The following HDAC9 variants were observed in gnomAD, a reference collection of about 807,000 sequenced individuals.
HDAC9 encodes MEF-2 interacting transcription repressor (MITR) protein.
A neutral mutation model predicts 139.4 loss-of-function variants in HDAC9; 41 were observed. The ratio of observed to expected loss-of-function variants is 0.29; its 90% confidence interval spans 0.23 to 0.38. The LOEUF is 0.38. HDAC9 is among the 10% of genes least tolerant of loss of function. HDAC9 has a pLI of 1.00. For missense variants in HDAC9, 1,147 were observed against 1,297.0 expected (o/e 0.88, Z 1.78); for synonymous variants, 517 against 476.2 (o/e 1.09, Z -1.12).
chr7:18,474,551 G>T (rs556969606), intron 1 of HDAC9, among the ~76,000 whole-genome samples: 1 of 152,162 alleles, frequency 6.6e-6, no homozygotes, highest in South Asian at 2.1e-4. Context: ...TCCTTTGGGG[G>T]AGTAAGGCAG....
intron 22 of HDAC9, among the ~76,000 whole-genome samples, chr7:18,915,006 G>C (rs148961124): frequency 2.4e-3 from 360 of 152,178 alleles, no homozygotes; most frequent in African/African-American, 8.1e-3. Context: ...AGATTTAAAA[G>C]GGATGGTTGG....
At chr7:18,237,465 C>A (rs1404217592) in intron 2 of HDAC9, among the ~76,000 whole-genome samples, 1 of 151,658 alleles carries the variant, frequency 6.6e-6, no homozygotes, top group Non-Finnish European at 1.5e-5. Context: ...ATGGGTGATA[C>A]CTGAAGGTGG....
intron 1 of HDAC9, among the ~76,000 whole-genome samples, chr7:18,113,600 A>G (rs111990877): frequency 3.3e-5 from 5 of 152,332 alleles, no homozygotes; most frequent in African/African-American, 4.8e-5. Context: ...TTATTTTGGA[A>G]CATGACTTTC....
rs576761252 is a variant in HDAC9, at chr7:18,620,976, T to C, written c.665-8374T>C. ...CACAATGATGTACATAACAGTGCTG[T>C]CTTTCGAAGCAAAACAATGTGTAGT... On this transcript the variant is annotated intron_variant, in intron 6 of 25. Transcript: ENST00000686413. 7.2e-5 allele frequency among the ~76,000 whole-genome samples: 11 copies of C among 152,302 alleles called. No homozygotes were observed. In the South Asian group the frequency reaches 2.3e-3, roughly 32 times the overall value.
intron 12 of HDAC9, among the ~76,000 whole-genome samples, chr7:18,680,371 G>T (rs1201622984): frequency 6.6e-6 from 1 of 151,980 alleles, no homozygotes; most frequent in Non-Finnish European, 1.5e-5. Flanking sequence ...CTTTGATTCA[G>T]AACTATTCAG....
chr7:18,364,557 A>G (rs1350414934), intron 1 of HDAC9, among the ~76,000 whole-genome samples: 2 of 152,062 alleles, frequency 1.3e-5, no homozygotes, highest in Non-Finnish European at 2.9e-5. Flanking sequence ...TGCTACTCAG[A>G]ATGGCTCCTG....
upstream of HDAC9, among the ~76,000 whole-genome samples, chr7:18,493,756 C>T (rs1796533230): frequency 6.6e-6 from 1 of 151,128 alleles, no homozygotes; most frequent in South Asian, 2.1e-4. Flanking sequence ...AAAAAATGTT[C>T]TTTACATAAA....
intron 5 of HDAC9, among the ~76,000 whole-genome samples, chr7:18,593,196 A>T (rs1831475069): frequency 1.3e-5 from 2 of 152,154 alleles, no homozygotes; most frequent in African/African-American, 4.8e-5. Flanking sequence ...AATCATTGTG[A>T]TGGTGATACT....
In HDAC9 at chr7:18,935,852, A is replaced by T. The variant is rs1315330976; in HGVS notation, c.2847A>T (p.Gly949=). 1 of 1,613,644 alleles carries T rather than the reference A, an allele frequency of 6.2e-7. No homozygotes were observed. Among genetic ancestry groups the T allele is most frequent in the African/African-American group, 1.3e-5 (1 of 74,924 alleles). ...LTKQLMTLAD[G]RVVLALEGGH... ...AGCAATTGATGACATTGGCTGATGGACGTGTGGTGTTGGCTCTAGAAGGAG... is the reference window on the plus strand; with the variant it reads ...AGCAATTGATGACATTGGCTGATGGTCGTGTGGTGTTGGCTCTAGAAGGAG... Residue 949 remains glycine, a synonymous_variant, in exon 23 of 26, where the codon GGA becomes GGT. Coordinates refer to ENST00000686413, the MANE Select transcript of HDAC9 (RefSeq NM_178425.4).
intron 13 of HDAC9, among the ~76,000 whole-genome samples, chr7:18,736,576 G>A (rs1296308345): frequency 2.0e-5 from 3 of 152,214 alleles, no homozygotes; most frequent in Admixed American, 6.5e-5. Context: ...GCATCCCAGC[G>A]ATGAAGCTGA....
chr7:18,882,855 C>T (rs1016126084), intron 22 of HDAC9, among the ~76,000 whole-genome samples: 1 of 152,006 alleles, frequency 6.6e-6, no homozygotes, highest in East Asian at 1.9e-4. Context: ...GAAGGTGTTT[C>T]AGACTCCTGT....
intron 13 of HDAC9, among the ~76,000 whole-genome samples, chr7:18,742,021 A>G (rs1201719789): frequency 1.3e-5 from 2 of 152,200 alleles, no homozygotes; most frequent in Non-Finnish European, 2.9e-5. Context: ...TTTTCTTGGG[A>G]TGGAGTGTAC....
intron 23 of HDAC9, among the ~76,000 whole-genome samples, chr7:18,944,393 A>G (rs1782229283): frequency 6.6e-6 from 1 of 152,178 alleles, no homozygotes; most frequent in African/African-American, 2.4e-5. Flanking sequence ...TAAGAATATA[A>G]CATGTTGCTC....
At chr7:18,348,152 G>C (rs1782569360) in intron 1 of HDAC9, among the ~76,000 whole-genome samples, 1 of 152,110 alleles carries the variant, frequency 6.6e-6, no homozygotes, top group Admixed American at 6.6e-5. Context: ...CCTGCAGTTG[G>C]ACATGAAAAG....
chr7:18,939,406 A>T (rs1310242746), intron 23 of HDAC9, among the ~76,000 whole-genome samples: 1 of 152,362 alleles, frequency 6.6e-6, no homozygotes. Context: ...AAAGTGAAAA[A>T]TTAAAGAAAA....
Position 18,319,043 on chromosome 7 carries a change from C to G in HDAC9, c.-42+28528C>G, listed in dbSNP as rs1799848436. Among the ~76,000 whole-genome samples the G allele has an allele frequency of 2.6e-5, 4 of 152,254 alleles. No homozygotes were observed. In the South Asian group the frequency reaches 8.3e-4, roughly 32 times the overall value. On this transcript the variant is annotated intron_variant, in intron 1 of 3. Coordinates refer to the HDAC9 transcript ENST00000413509. ...TCTGTAACCTGTAGTGTGACAAGCACTGATACAAACAAACGTTAAATGTTT... is the reference window on the plus strand; with the variant it reads ...TCTGTAACCTGTAGTGTGACAAGCAGTGATACAAACAAACGTTAAATGTTT...
At chr7:18,617,302 C>G (rs534010569) in intron 6 of HDAC9, among the ~76,000 whole-genome samples, 2 of 152,108 alleles carry the variant, frequency 1.3e-5, no homozygotes, top group African/African-American at 4.8e-5. Context: ...GCTCCTCCAT[C>G]GCAAGCATGA....
intron 16 of HDAC9, 128 bp from the exon 17 acceptor site, chr7:18,793,217 T>C: frequency 1.5e-6 from 1 of 680,064 alleles, no homozygotes; most frequent in South Asian, 1.7e-5. Flanking sequence ...TGCCAGCCCT[T>C]CCTCACAGAT....
chr7:18,210,466 G>A (rs936020609), intron 2 of HDAC9, among the ~76,000 whole-genome samples: 3 of 151,982 alleles, frequency 2.0e-5, no homozygotes, highest in Admixed American at 6.6e-5. Context: ...AATATAACTC[G>A]CATTTTACCT....
Sources: gnomAD v4.1 joint callset for allele counts (sites outside exome capture counted in the v4.1 genomes callset) on GRCh38, gnomAD v4.1.1 for gene constraint, MANE v1.5 for transcripts, NCBI Gene and HGNC (gene_info 2026-07-23, HGNC 2026-07-21) for gene names.